Variants in ADGRB2 observed in about 807,000 individuals in gnomAD.
The protein encoded by ADGRB2 is adhesion G protein-coupled receptor B2, also known as brain-specific angiogenesis inhibitor 2.
A neutral mutation model predicts 178.7 loss-of-function variants in ADGRB2; 47 were observed. The ratio of observed to expected loss-of-function variants is 0.26; its 90% CI spans 0.21 to 0.34. The LOEUF is 0.34. ADGRB2 is among the 10% of genes least tolerant of loss of function. The probability of loss-of-function intolerance (pLI) is 1.00; values close to 1 mark genes in which losing one functional copy is unlikely to be tolerated. For synonymous variants in ADGRB2, 870 were observed against 912.4 expected, an observed-to-expected ratio of 0.95 and a Z score of 0.84; for missense variants, 1,584 against 2,180.8, an observed-to-expected ratio of 0.73 and a Z score of 5.45.
At position 31,735,568 on chromosome 1, in the gene ADGRB2, C is replaced by G. The variant is rs2271930; in HGVS notation, c.3353+12G>C. The G allele has an allele frequency of 6.2e-7, 1 of 1,606,554 alleles. No individual in the cohort carries two copies. The highest frequency in any genetic ancestry group is 8.5e-7 in the Non-Finnish European group (1 of 1,173,902). On this transcript the variant is annotated intron_variant, in intron 24 of 32. Coordinates refer to ENST00000373658, the MANE Select transcript of ADGRB2 (RefSeq NM_001364857.2). The surrounding 1 kb of genome is among the most constrained non-coding windows in gnomAD (Gnocchi z 6.0). ...TTCCAGAAAGGCCAAGTCTCAGAGG[C>G]CCCCCCCTTACCCGGCCCTCTGCTT...
chr1:31,728,550 G>T lies in ADGRB2; in HGVS notation c.4416+48C>A. ...TTTAGGAGTGAGCCCTCCAGGGACA[G>T]ACACCACAGCCAGATGTCCCACCGC... is the stretch of plus-strand genomic sequence containing the variant. On this transcript the variant is annotated intron_variant, in intron 30 of 32. Transcript: ENST00000373658. The surrounding 1 kb of genome is among the most constrained non-coding windows in gnomAD (Gnocchi z 6.7). 1 of 1,612,928 alleles carries T rather than the reference G, an allele frequency of 6.2e-7. No homozygotes were observed. Among genetic ancestry groups the T allele is most frequent in the South Asian group, 1.1e-5 (1 of 91,058 alleles).
At position 31,736,582 on chromosome 1, in the gene ADGRB2, G is replaced by C. The variant is rs772021439; in HGVS notation, c.3121C>G (p.Leu1041Val). ...TRLVRKRFLCLGWGLPALVVA... is the reference protein window; with the variant it reads ...TRLVRKRFLCVGWGLPALVVA... ...CACTGGCCCTGCTCACCCCAGCCCA[G>C]GCAGAGGAAGCGCTTGCGAACGAGG... Residue 1041 changes from leucine to valine, a missense_variant, in exon 21 of 33, where the codon CTG becomes GTG. Around this residue, in one of 3 missense-constraint regions of ADGRB2, gnomAD observed 865 missense variants for 1,192.8 expected, o/e 0.73. Transcript: ENST00000373658. The C allele has an allele frequency of 9.9e-6, 16 of 1,613,854 alleles. No homozygotes were observed. The South Asian group carries it at 1.8e-4, about 18-fold the overall frequency.
chr1:31,735,909 A>C lies in ADGRB2; in HGVS notation c.3201-16T>G. The C allele has an allele frequency of 6.3e-7, 1 of 1,576,114 alleles. No homozygotes were observed. ...GAGCCAGCAGCTGGGGTGGGGGAGA[A>C]GAAGGGTGTCAGACACCCAGCAGCC... On this transcript the variant is annotated splice_polypyrimidine_tract_variant and intron_variant, in intron 22 of 32. Coordinates refer to ENST00000373658, the MANE Select transcript of ADGRB2 (RefSeq NM_001364857.2). The surrounding 1 kb of genome is among the most constrained non-coding windows in gnomAD (Gnocchi z 6.0).
rs1444068368 is a variant in ADGRB2, at chr1:31,758,361, G to T, written c.-190-850C>A. ...TAGCCTCTGCTCCTTCCCTAGGCTT[G>T]CTGCTCAGGCTTCAGGCCAGATGGA... On this transcript the variant is annotated intron_variant, in intron 1 of 32. Transcript: ENST00000373658. This position sits in a 1 kb window ranked among gnomAD's most constrained non-coding sequence, Gnocchi z 4.2. 6.6e-6 allele frequency among the ~76,000 whole-genome samples: 1 copy of T among 152,202 alleles called. No homozygotes were observed. Among genetic ancestry groups the T allele is most frequent in the African/African-American group, 2.4e-5 (1 of 41,440 alleles).
intron 7 of ADGRB2, 130 bp from the exon 8 acceptor site, chr1:31,742,347 G>C: frequency 7.9e-7 from 1 of 1,261,480 alleles, no homozygotes; most frequent in East Asian, 2.5e-5. Flanking sequence ...CCACTGGAGT[G>C]GGGAGGGGAG....
Position 31,763,930 on chromosome 1 carries a change from G to T in ADGRB2, c.-237C>A, listed in dbSNP as rs934260099. 33 of 985,484 alleles carry T rather than the reference G, an allele frequency of 3.3e-5. No homozygotes were observed. The highest frequency in any genetic ancestry group is 4.0e-5 in the Non-Finnish European group (33 of 830,090). The allele number at this position is 985,484 out of a possible 1,614,324, so 61.0% of individuals were successfully genotyped here. On this transcript the variant is annotated 5_prime_UTR_variant, in exon 1 of 33. Transcript: ENST00000373658. ...AGCGGGGGCCGGCGCTGGCGGGGGCGGCCACGGGGCGCAAGTTTGCCATCC... is the reference window on the plus strand; with the variant it reads ...AGCGGGGGCCGGCGCTGGCGGGGGCTGCCACGGGGCGCAAGTTTGCCATCC...
Position 31,741,654 on chromosome 1 carries a change from T to C in ADGRB2, c.1657A>G (p.Ile553Val), listed in dbSNP as rs1280227444. 2 of 1,614,016 alleles carry C rather than the reference T, an allele frequency of 1.2e-6. No homozygotes were observed. The highest frequency in any genetic ancestry group is 1.7e-5 in the Admixed American group (1 of 60,008). Residue 553 changes from isoleucine to valine, a missense_variant, in exon 10 of 33, where the codon ATC becomes GTC. Physicochemically the swap from Ile to Val is conservative, Grantham distance 29. This residue lies in a region of ADGRB2 where 657 missense variants were observed against 847.6 expected (regional missense o/e 0.78). Coordinates refer to ENST00000373658, the MANE Select transcript of ADGRB2 (RefSeq NM_001364857.2). The surrounding 1 kb of genome is among the most constrained non-coding windows in gnomAD (Gnocchi z 6.5). ...GCATTCGGGGGGCACTTGTTGTAGA[T>C]GATCTCGCCAGCAGCTGCCTTCTTC... ...TWKKAAAGEI[I>V]YNKCPPNASG...
At position 31,731,363 on chromosome 1, in the gene ADGRB2, G is replaced by T; in HGVS notation, c.3817C>A (p.Arg1273Ser). 1 of 1,612,408 alleles carries T rather than the reference G, an allele frequency of 6.2e-7. No homozygotes were observed. Among genetic ancestry groups the T allele is most frequent in the Non-Finnish European group, 8.5e-7 (1 of 1,179,674 alleles). The change falls in exon 29 of 33, where the codon CGC (arginine) becomes AGC (serine). Residue 1273 changes from arginine (R) to serine (S), a missense_variant. This residue lies in a region of ADGRB2 where 865 missense variants were observed against 1,192.8 expected (regional missense o/e 0.73). Transcript: ENST00000373658. ...NPSTITGTLS[R>S]LSLDEDEEPK... ...TCCTCATCCTCATCCAGGGACAGGCGGGATAGTGTGCCCGTGATGGTGGAC... is the reference window on the plus strand; with the variant it reads ...TCCTCATCCTCATCCAGGGACAGGCTGGATAGTGTGCCCGTGATGGTGGAC...
At chr1:31,760,920 T>C (rs1301655085) in intron 1 of ADGRB2, 1 of 152,014 alleles carries the variant, frequency 6.6e-6, no homozygotes, top group Non-Finnish European at 1.5e-5. Flanking sequence ...CCGCTCCGAC[T>C]GCCAGAGAGG....
In ADGRB2 at chr1:31,737,774, C is replaced by T; in HGVS notation, c.2773-19G>A. ...CCAGGGTCTGGGGAAGATGGGCAGACAGTCAGATGGGTTCCTGGGAGGGGG... is the reference window on the plus strand; with the variant it reads ...CCAGGGTCTGGGGAAGATGGGCAGATAGTCAGATGGGTTCCTGGGAGGGGG... On this transcript the variant is annotated intron_variant, in intron 18 of 32. Coordinates refer to ENST00000373658, the MANE Select transcript of ADGRB2 (RefSeq NM_001364857.2). 2 of 1,610,322 alleles carry T rather than the reference C, an allele frequency of 1.2e-6. No homozygotes were observed. The highest frequency in any genetic ancestry group is 1.7e-6 in the Non-Finnish European group (2 of 1,177,608).
At position 31,741,683 on chromosome 1, in the gene ADGRB2, G is replaced by A. The variant is rs376951808; in HGVS notation, c.1628C>T (p.Thr543Met). 37 of 1,613,906 alleles carry A rather than the reference G, an allele frequency of 2.3e-5. No homozygotes were observed. Among genetic ancestry groups the A allele is most frequent in the Admixed American group, 2.0e-4 (12 of 59,994 alleles). The change falls in exon 10 of 33, where the codon ACG becomes ATG. Residue 543 changes from threonine to methionine, a missense_variant. Thr to Met is a moderately conservative substitution (Grantham distance 81). Transcript: ENST00000373658. The surrounding 1 kb of genome is among the most constrained non-coding windows in gnomAD (Gnocchi z 6.5). ...CTCGCCAGCAGCTGCCTTCTTCCAC[G>A]TCATCAGCATCACGTACTCATCCCT... ...MCRDEYVMLMTWKKAAAGEII... is the reference protein window; with the variant it reads ...MCRDEYVMLMMWKKAAAGEII...
In ADGRB2 at chr1:31,754,589, G is replaced by A. The variant is rs531022130; in HGVS notation, c.838+1410C>T. 3.5e-4 allele frequency among the ~76,000 whole-genome samples: 53 copies of A among 152,350 alleles called. No individual in the cohort carries two copies. The highest frequency in any genetic ancestry group is 1.2e-3 in the African/African-American group (50 of 41,588). ...CCCGCGGCCCGGCTGTCACTCGGACGGCTTCATTGACCGCCGTTAGAGGCC... is the reference window on the plus strand; with the variant it reads ...CCCGCGGCCCGGCTGTCACTCGGACAGCTTCATTGACCGCCGTTAGAGGCC... On this transcript the variant is annotated intron_variant, in intron 4 of 32. Coordinates refer to ENST00000373658, the MANE Select transcript of ADGRB2 (RefSeq NM_001364857.2). This position sits in a 1 kb window ranked among gnomAD's most constrained non-coding sequence, Gnocchi z 5.7.
chr1:31,760,486 A>G (rs1647007019), intron 1 of ADGRB2, among the ~76,000 whole-genome samples: 1 of 152,088 alleles, frequency 6.6e-6, no homozygotes, highest in Admixed American at 6.5e-5. Flanking sequence ...TGAAAGGGCC[A>G]AGGCAAGACT....
chr1:31,744,640 C>G lies in ADGRB2; in HGVS notation c.922+8G>C, dbSNP rs377134550. ...CGCCGCAGAGGAAGGGAGGCGGGCC[C>G]GAGTTACCTGTCTGCGCCATGTATA... On this transcript the variant is annotated splice_region_variant and intron_variant, in intron 5 of 32. Coordinates refer to ENST00000373658, the MANE Select transcript of ADGRB2 (RefSeq NM_001364857.2). The surrounding 1 kb of genome is among the most constrained non-coding windows in gnomAD (Gnocchi z 6.7). The G allele has an allele frequency of 1.9e-6, 3 of 1,613,874 alleles. No homozygotes were observed. The highest frequency in any genetic ancestry group is 2.5e-6 in the Non-Finnish European group (3 of 1,179,894).
chr1:31,757,073 GA>G, intron 3 of ADGRB2, 127 bp downstream of exon 3: 1 of 1,495,736 alleles, frequency 6.7e-7, no homozygotes, highest in Non-Finnish European at 9.3e-7. Context: ...AAGGACTCGC[GA>G]GAGTGCCTGG....
In ADGRB2 at chr1:31,742,144, G is replaced by T; in HGVS notation, c.1326C>A (p.Arg442=). ...GGCCCGCCACGCTGCACTTCCGGCT[G>T]CGCTGTTGGGTCCCATTGGCACAGG... is the stretch of plus-strand genomic sequence containing the variant. ...STSCANGTQQ[R]SRKCSVAGPA... The change falls in exon 8 of 33, where the codon CGC becomes CGA. Residue 442 remains arginine (R), a synonymous_variant. Coordinates refer to ENST00000373658, the MANE Select transcript of ADGRB2 (RefSeq NM_001364857.2). The T allele has an allele frequency of 6.2e-7, 1 of 1,613,560 alleles. No individual in the cohort carries two copies. The highest frequency in any genetic ancestry group is 8.5e-7 in the Non-Finnish European group (1 of 1,179,968).
In ADGRB2 at chr1:31,738,342, G is replaced by A. The variant is rs1220128743; in HGVS notation, c.2646-16C>T. On this transcript the variant is annotated splice_polypyrimidine_tract_variant and intron_variant, in intron 17 of 32. Transcript: ENST00000373658. ...GCTGGCATCTCTTGGGTAGGGGAGA[G>A]ATTCAGTGAGCCCCAGGCCAGCTAC... is the stretch of plus-strand genomic sequence containing the variant. 6.2e-7 allele frequency: 1 copy of A among 1,608,676 alleles called. No homozygotes were observed.
intron 27 of ADGRB2, 64 bp downstream of exon 27, chr1:31,732,453 G>A (rs1402420343): frequency 3.8e-6 from 6 of 1,562,582 alleles, no homozygotes; most frequent in Non-Finnish European, 5.3e-6. Context: ...ATGGTCTAGG[G>A]CAGGAGGATT....
intron 7 of ADGRB2, 81 bp from the exon 8 acceptor site, chr1:31,742,298 C>A: frequency 6.6e-7 from 1 of 1,511,728 alleles, no homozygotes; most frequent in South Asian, 1.3e-5. Context: ...CAGGAAGACC[C>A]AGAGCCTGCT....
Sources: allele counts gnomAD v4.1 joint callset (sites outside exome capture counted in the v4.1 genomes callset), GRCh38; gene constraint gnomAD v4.1.1; regional missense constraint gnomAD v4.1.1; non-coding constraint Gnocchi (gnomAD v3.1); transcripts MANE v1.5; gene names NCBI Gene and HGNC (gene_info 2026-07-23, HGNC 2026-07-21).